The following EFTUD2 variants were observed in gnomAD, a reference collection of about 807,000 sequenced individuals.
EFTUD2 encodes the protein elongation factor Tu GTP binding domain containing 2.
Under a neutral mutation model 114.3 loss-of-function variants are expected in EFTUD2, and 9 were observed. The observed-to-expected ratio is 0.08, with a 90% CI of 0.05 to 0.14. EFTUD2 has a LOEUF of 0.14. EFTUD2 is among the 10% of genes least tolerant of loss of function. EFTUD2 has a pLI of 1.00. For synonymous variants in EFTUD2, 449 were observed against 462.3 expected, an observed-to-expected ratio of 0.97 and a Z score of 0.37; for missense variants, 765 against 1,241.2, an observed-to-expected ratio of 0.62 and a Z score of 5.76.
intron 2 of EFTUD2, chr17:44,892,023 G>C (rs1256267337): frequency 6.6e-6 from 1 of 152,164 alleles, no homozygotes; most frequent in African/African-American, 2.4e-5. Flanking sequence ...GCCTCCCAAA[G>C]TGCTGGGATT....
intron 8 of EFTUD2, among the ~76,000 whole-genome samples, chr17:44,879,959 G>A (rs3816275): frequency 0.13 from 19,440 of 152,034 alleles, 1,320 homozygotes; most frequent in East Asian, 0.24. Context: ...CTGGAGGCAG[G>A]AGAAAGGGCA....
At position 44,850,611 on chromosome 17, in the gene EFTUD2, G is replaced by T; in HGVS notation, c.*663C>A. The T allele has an allele frequency of 2.0e-6, 1 of 488,668 alleles. No individual in the cohort carries two copies. Among genetic ancestry groups the T allele is most frequent in the East Asian group, 3.2e-5 (1 of 31,602 alleles). The allele number at this position is 488,668 out of a possible 1,614,324, so 30.3% of individuals were successfully genotyped here. ...AGGGCAAGGAAGATTCTTAGGGGAGGCAGCAGTTTCCTGAGGAGGTGGTGG... is the reference window on the plus strand; with the variant it reads ...AGGGCAAGGAAGATTCTTAGGGGAGTCAGCAGTTTCCTGAGGAGGTGGTGG... On this transcript the variant is annotated 3_prime_UTR_variant, in exon 28 of 28. Coordinates refer to ENST00000426333, the MANE Select transcript of EFTUD2 (RefSeq NM_004247.4).
chr17:44,878,881 T>C (rs1185656716), intron 9 of EFTUD2, among the ~76,000 whole-genome samples: 2 of 152,148 alleles, frequency 1.3e-5, no homozygotes, highest in Non-Finnish European at 2.9e-5. Context: ...CATCTCTCAA[T>C]TGAGGAATAC....
At chr17:44,875,897 T>C (rs756499404) in intron 10 of EFTUD2, 37 bp downstream of exon 10, 1 of 1,603,638 alleles carries the variant, frequency 6.2e-7, no homozygotes, top group Non-Finnish European at 8.5e-7. Context: ...ACCCAGAGCC[T>C]CCGAGGACAG....
At chr17:44,861,314 G>A (rs1395863454) in intron 16 of EFTUD2, among the ~76,000 whole-genome samples, 1 of 151,826 alleles carries the variant, frequency 6.6e-6, no homozygotes, top group South Asian at 2.1e-4. Flanking sequence ...ACATGGTGGT[G>A]CACACCTATA....
chr17:44,880,592 T>C lies in EFTUD2; in HGVS notation c.581A>G (p.Lys194Arg). ...GATATTGAAGAGATAAGATTTTCCT[T>C]TGGTGTCTGGCAAGACCACTGTCAC... Reference protein sequence around the residue: ...TPVTVVLPDTKGKSYLFNIMD... With the variant: ...TPVTVVLPDTRGKSYLFNIMD... Residue 194 changes from lysine to arginine, a missense_variant, in exon 8 of 28, where the codon AAA becomes AGA. Coordinates refer to ENST00000426333, the MANE Select transcript of EFTUD2 (RefSeq NM_004247.4). The C allele has an allele frequency of 6.2e-7, 1 of 1,613,794 alleles. No individual in the cohort carries two copies.
rs1459837173 is a variant in EFTUD2 at position 44,867,910 on chromosome 17, A to G, written c.1059-13T>C. ...GGTGAACTTTCGCCTAAAAGGAAAA[A>G]TAAGTTCTGAGTGACCCAGGGGAAA... On this transcript the variant is annotated splice_polypyrimidine_tract_variant and intron_variant, in intron 12 of 27. Coordinates refer to ENST00000426333, the MANE Select transcript of EFTUD2 (RefSeq NM_004247.4). The G allele has an allele frequency of 2.5e-6, 4 of 1,576,626 alleles. No homozygotes were observed. Among genetic ancestry groups the G allele is most frequent in the South Asian group, 1.2e-5 (1 of 86,084 alleles).
intron 20 of EFTUD2, among the ~76,000 whole-genome samples, chr17:44,856,550 G>C (rs2050558230): frequency 6.6e-6 from 1 of 151,492 alleles, no homozygotes; most frequent in African/African-American, 2.4e-5. Context: ...AAAAAAGTAA[G>C]GTTTAAGCTG....
At chr17:44,898,230 T>A (rs555820988) in intron 1 of EFTUD2, among the ~76,000 whole-genome samples, 47 of 150,726 alleles carry the variant, frequency 3.1e-4, no homozygotes, top group African/African-American at 1.0e-3. Flanking sequence ...TTATATATAT[T>A]TTTTGAGACA....
chr17:44,850,529 T>C lies in EFTUD2; in HGVS notation c.*745A>G. ...AACAGAGTAAGGGACTGGTGGTAGC[T>C]GGGGAGAGGACTTGGAGTAAATGGC... On this transcript the variant is annotated 3_prime_UTR_variant, in exon 28 of 28. Transcript: ENST00000426333. The C allele has an allele frequency of 3.1e-6, 2 of 640,224 alleles. No homozygotes were observed. Among genetic ancestry groups the C allele is most frequent in the East Asian group, 2.8e-5 (1 of 36,186 alleles). The allele number at this position is 640,224 out of a possible 1,614,324, so 39.7% of individuals were successfully genotyped here. A position where few individuals can be genotyped will look rare whatever the true frequency, so the allele number is the denominator to read the frequency against.
intron 19 of EFTUD2, chr17:44,857,431 G>A (rs1386691700): frequency 5.4e-6 from 2 of 369,678 alleles, no homozygotes; most frequent in African/African-American, 2.1e-5. Context: ...GTCTTCAAAG[G>A]TAGCTCTCAG....
At chr17:44,883,543 T>C (rs2051111141) in intron 5 of EFTUD2, 106 bp downstream of exon 5, 1 of 1,067,300 alleles carries the variant, frequency 9.4e-7, no homozygotes, top group Non-Finnish European at 1.5e-6. Flanking sequence ...AGTCAGGAGG[T>C]TGAGCCTTGT....
At position 44,894,276 on chromosome 17, in the gene EFTUD2, G is replaced by A. The variant is rs2051336543; in HGVS notation, c.105+141C>T. 1.5e-5 allele frequency: 10 copies of A among 661,388 alleles called. No individual in the cohort carries two copies. The Admixed American group carries it at 2.4e-4, about 16-fold the overall frequency. 41.0% of individuals were successfully genotyped at this position (661,388 alleles called of 1,614,324 possible). On this transcript the variant is annotated intron_variant, in intron 2 of 27. Transcript: ENST00000426333. Reference sequence around the variant, plus strand: ...TCCCAGCTACTTGGGAGGCCAAGGTGGGAGGATCACTTAAGCCCAGGAGGT... The same window carrying A: ...TCCCAGCTACTTGGGAGGCCAAGGTAGGAGGATCACTTAAGCCCAGGAGGT...
At chr17:44,876,213 C>A in intron 9 of EFTUD2, 113 bp from the exon 10 acceptor site, 1 of 1,275,828 alleles carries the variant, frequency 7.8e-7, no homozygotes, top group Non-Finnish European at 1.1e-6. Context: ...GAAAAAAAGA[C>A]CTCGGGAAAT....
At chr17:44,853,767 G>A (rs1025947411) in intron 23 of EFTUD2, 132 bp from the exon 24 acceptor site, 1 of 1,497,454 alleles carries the variant, frequency 6.7e-7, no homozygotes, top group Non-Finnish European at 8.9e-7. Flanking sequence ...AATCAAATGG[G>A]AGGTGGGCGT....
At chr17:44,875,272 T>C (rs2050925839) in intron 10 of EFTUD2, among the ~76,000 whole-genome samples, 3 of 152,158 alleles carry the variant, frequency 2.0e-5, no homozygotes, top group Admixed American at 6.5e-5. Flanking sequence ...GGTTCACGCC[T>C]GTAATCCCAG....
At position 44,856,998 on chromosome 17, in the gene EFTUD2, G is replaced by A. The variant is rs953652456; in HGVS notation, c.2045+77C>T. The A allele has an allele frequency of 4.9e-6, 6 of 1,215,474 alleles. No homozygotes were observed. In the East Asian group the frequency reaches 1.2e-4, roughly 24 times the overall value. 75.3% of individuals were successfully genotyped at this position (1,215,474 alleles called of 1,614,324 possible). A position where few individuals can be genotyped will look rare whatever the true frequency, so the allele number is the denominator to read the frequency against. On this transcript the variant is annotated intron_variant, in intron 20 of 27. Coordinates refer to ENST00000426333, the MANE Select transcript of EFTUD2 (RefSeq NM_004247.4). ...TCTCTATGTGCATAGTGCTCATGGT[G>A]GGGGTAGAGGTGGAAGATAAAGGAG... is the stretch of plus-strand genomic sequence containing the variant.
intron 11 of EFTUD2, among the ~76,000 whole-genome samples, chr17:44,870,334 C>G (rs1310543799): frequency 8.8e-6 from 1 of 114,212 alleles, no homozygotes; most frequent in African/African-American, 2.9e-5. Context: ...CAAACTTCTA[C>G]TGGAACCCTG....
intron 3 of EFTUD2, among the ~76,000 whole-genome samples, chr17:44,885,594 T>C (rs2051156005): frequency 6.6e-6 from 1 of 152,088 alleles, no homozygotes; most frequent in Non-Finnish European, 1.5e-5. Flanking sequence ...TGGATGTAGG[T>C]TGAGGTCAAT....
Sources: gnomAD v4.1 joint callset for allele counts (sites outside exome capture counted in the v4.1 genomes callset) on GRCh38, gnomAD v4.1.1 for gene constraint, MANE v1.5 for transcripts, NCBI Gene and HGNC (gene_info 2026-07-23, HGNC 2026-07-21) for gene names.